The following CPQ variants were observed in gnomAD, a reference collection of about 807,000 sequenced individuals.
CPQ encodes the protein carboxypeptidase Q, also known as Ser-Met dipeptidase.
CPQ carries 37 observed loss-of-function variants against 45.7 expected under a neutral mutation model. The ratio of observed to expected loss-of-function variants is 0.81; its 90% CI spans 0.62 to 1.07. CPQ has a LOEUF of 1.07. CPQ is among the 50% of genes least tolerant of loss of function. The pLI is 0.00. For missense variants in CPQ, 537 were observed against 572.9 expected (o/e 0.94, Z 0.64); for synonymous variants, 186 against 205.8 (o/e 0.90, Z 0.82).
At chr8:97,042,464 G>GT (rs556732164) in intron 6 of CPQ, among the ~76,000 whole-genome samples, 1 of 151,850 alleles carries the variant, frequency 6.6e-6, no homozygotes, top group Non-Finnish European at 1.5e-5. Context: ...TTTTTGAAGG[G>GT]TTTTTTGTGT....
intron 1 of CPQ, among the ~76,000 whole-genome samples, chr8:96,706,412 T>C (rs1254253115): frequency 2.0e-5 from 3 of 151,992 alleles, no homozygotes; most frequent in African/African-American, 2.4e-5. Flanking sequence ...ATGACCTGCA[T>C]AGGGCTGGAG....
intron 6 of CPQ, among the ~76,000 whole-genome samples, chr8:97,037,869 C>G (rs1487853518): frequency 1.3e-5 from 2 of 152,144 alleles, no homozygotes; most frequent in Non-Finnish European, 2.9e-5. Context: ...GAATCATATA[C>G]CACCTTGCGA....
chr8:96,925,745 A>G (rs146802885), intron 4 of CPQ, among the ~76,000 whole-genome samples: 3,870 of 147,958 alleles, frequency 0.026, 67 homozygotes, highest in Middle Eastern at 0.07. Context: ...GCTGGAGTGC[A>G]GTGGCGCGAT....
Position 96,717,137 on chromosome 8 carries a change from G to A in CPQ, c.-34-67727G>A, listed in dbSNP as rs527297657. On this transcript the variant is annotated intron_variant, in intron 1 of 7. Coordinates refer to ENST00000220763, the MANE Select transcript of CPQ (RefSeq NM_016134.4). ...TTTATCCACTCATTGATTAATGGGC[G>A]TTGGGGCTGTTACATATTTTTGCAA... is the stretch of plus-strand genomic sequence containing the variant. Among the ~76,000 whole-genome samples, 213 of 144,410 alleles carry A rather than the reference G, an allele frequency of 1.5e-3. 3 individuals are homozygous for A. The highest frequency in any genetic ancestry group is 5.2e-3 in the African/African-American group (201 of 38,890). The allele number at this position is 144,410 out of a possible 152,430, so 94.7% of individuals were successfully genotyped here.
chr8:97,092,651 C>T (rs1471691997), intron 7 of CPQ: 1 of 152,148 alleles, frequency 6.6e-6, no homozygotes, highest in African/African-American at 2.4e-5. Flanking sequence ...TCCTTCCTCT[C>T]ACCATACATA....
chr8:96,986,416 G>A (rs1419072729), intron 5 of CPQ, among the ~76,000 whole-genome samples: 1 of 152,010 alleles, frequency 6.6e-6, no homozygotes, highest in Non-Finnish European at 1.5e-5. Context: ...TTCACTATGG[G>A]TTTTTATTTA....
intron 7 of CPQ, among the ~76,000 whole-genome samples, chr8:97,114,657 C>T (rs1811552442): frequency 6.6e-6 from 1 of 152,290 alleles, no homozygotes; most frequent in African/African-American, 2.4e-5. Flanking sequence ...TATACCATTA[C>T]CTAGACTCAC....
intron 4 of CPQ, among the ~76,000 whole-genome samples, chr8:96,942,957 A>G (rs949392713): frequency 6.6e-6 from 1 of 152,172 alleles, no homozygotes; most frequent in African/African-American, 2.4e-5. Flanking sequence ...GCAGCCAGAC[A>G]TTCCTATGAT....
intron 3 of CPQ, among the ~76,000 whole-genome samples, chr8:96,837,454 G>A (rs1200304298): frequency 6.6e-6 from 1 of 152,258 alleles, no homozygotes; most frequent in Admixed American, 6.5e-5. Flanking sequence ...TGCATTTTCA[G>A]TGTTTCTTCT....
Position 96,726,181 on chromosome 8 carries a change from C to G in CPQ, c.-34-58683C>G, listed in dbSNP as rs550970525. The stretch of plus-strand genomic sequence containing the variant: ...ATAATGGGATCATTCGTACCCCAAA[C>G]CCATGTAACAAACCCACACATATGC... On this transcript the variant is annotated intron_variant, in intron 1 of 7. Coordinates refer to ENST00000220763, the MANE Select transcript of CPQ (RefSeq NM_016134.4). 9.9e-5 allele frequency among the ~76,000 whole-genome samples: 15 copies of G among 152,072 alleles called. No individual in the cohort carries two copies. In the South Asian group the frequency reaches 3.1e-3, roughly 32 times the overall value.
intron 3 of CPQ, among the ~76,000 whole-genome samples, chr8:96,872,876 ACTTTT>A (rs999707738): frequency 7.9e-5 from 12 of 151,848 alleles, no homozygotes; most frequent in Non-Finnish European, 1.8e-4. Context: ...AGCTATTTTA[ACTTTT>A]CTTTTATCTT....
chr8:96,956,887 T>C (rs1217347919), intron 4 of CPQ, among the ~76,000 whole-genome samples: 1 of 152,166 alleles, frequency 6.6e-6, no homozygotes, highest in Non-Finnish European at 1.5e-5. Context: ...TGGAGTATGA[T>C]AAAAGGATTA....
intron 2 of CPQ, among the ~76,000 whole-genome samples, chr8:96,827,453 T>C (rs1369960205): frequency 6.6e-6 from 1 of 152,122 alleles, no homozygotes; most frequent in Non-Finnish European, 1.5e-5. Flanking sequence ...TGTCTGATGT[T>C]ATAAGGAATA....
chr8:96,995,585 G>T (rs1452981918), intron 5 of CPQ, among the ~76,000 whole-genome samples: 1 of 149,586 alleles, frequency 6.7e-6, no homozygotes, highest in Non-Finnish European at 1.5e-5. Context: ...CAAATGGCAA[G>T]GTCTGATAGC....
At chr8:96,903,842 A>G (rs1019190630) in intron 4 of CPQ, among the ~76,000 whole-genome samples, 24 of 152,220 alleles carry the variant, frequency 1.6e-4, no homozygotes, top group African/African-American at 4.1e-4. Context: ...AGAAAAAAAT[A>G]TGGCATGAGA....
intron 2 of CPQ, among the ~76,000 whole-genome samples, chr8:96,820,553 A>G (rs1811287266): frequency 6.6e-6 from 1 of 151,970 alleles, no homozygotes; most frequent in Non-Finnish European, 1.5e-5. Flanking sequence ...TGTGAGTGAG[A>G]CTATATGATA....
chr8:97,130,291 A>T (rs994969963), intron 7 of CPQ, among the ~76,000 whole-genome samples: 1 of 152,162 alleles, frequency 6.6e-6, no homozygotes, highest in African/African-American at 2.4e-5. Flanking sequence ...CGTCCCTGGC[A>T]TCTGCAGCAG....
At chr8:96,921,199 T>C (rs759371789) in intron 4 of CPQ, among the ~76,000 whole-genome samples, 12 of 152,172 alleles carry the variant, frequency 7.9e-5, no homozygotes, top group Non-Finnish European at 1.3e-4. Flanking sequence ...TTTCTTTTTA[T>C]GTTTCTCATT....
intron 5 of CPQ, among the ~76,000 whole-genome samples, chr8:96,983,029 A>G (rs1342366010): frequency 6.6e-6 from 1 of 152,234 alleles, no homozygotes. Flanking sequence ...AGAAGAAATT[A>G]AAAGTTACCA....
Sources: allele counts gnomAD v4.1 joint callset (sites outside exome capture counted in the v4.1 genomes callset), GRCh38; gene constraint gnomAD v4.1.1; transcripts MANE v1.5; gene names NCBI Gene and HGNC (gene_info 2026-07-23, HGNC 2026-07-21).